GLMN: variants seen among roughly 807,000 people sequenced by gnomAD.
GLMN encodes glomulin.
A neutral mutation model predicts 87.8 loss-of-function variants in GLMN; 75 were observed. The ratio of observed to expected loss-of-function variants is 0.85; its 90% confidence interval spans 0.71 to 1.04. GLMN has a LOEUF of 1.04. Ranked by LOEUF, GLMN falls within the 50% of genes least tolerant of loss-of-function variation. The pLI is 0.00. For synonymous variants in GLMN, 206 were observed against 221.6 expected, an observed-to-expected ratio of 0.93 and a Z score of 0.63; for missense variants, 588 against 658.8, an observed-to-expected ratio of 0.89 and a Z score of 1.18.
chr1:92,329,733 T>C, the GLMN span, among the ~76,000 whole-genome samples: 1 of 152,232 alleles, frequency 6.6e-6, no homozygotes, highest in Non-Finnish European at 1.5e-5. Flanking sequence ...TGCATTCTTA[T>C]AATAAACTCA....
the GLMN span, chr1:92,363,754 C>G: frequency 2.8e-6 from 1 of 354,338 alleles, no homozygotes; most frequent in Non-Finnish European, 5.6e-6. Context: ...TGATGATCTA[C>G]TTCCACTTAA....
upstream of GLMN, chr1:92,300,226 G>A: frequency 1.2e-6 from 2 of 1,609,822 alleles, no homozygotes; most frequent in Non-Finnish European, 1.7e-6. Context: ...GAAACAAGAA[G>A]ATGCTTCTAA....
the GLMN span, among the ~76,000 whole-genome samples, chr1:92,339,803 T>C: frequency 6.6e-6 from 1 of 152,192 alleles, no homozygotes; most frequent in Admixed American, 6.5e-5. Flanking sequence ...ACTGCCCTTT[T>C]CCTCTTATAA....
At chr1:92,363,243 G>T in the GLMN span, among the ~76,000 whole-genome samples, 1 of 152,112 alleles carries the variant, frequency 6.6e-6, no homozygotes, top group Non-Finnish European at 1.5e-5. Flanking sequence ...GTTTTGGATA[G>T]AAACAGACTT....
the GLMN span, among the ~76,000 whole-genome samples, chr1:92,308,378 C>CT: frequency 6.6e-6 from 1 of 152,162 alleles, no homozygotes; most frequent in African/African-American, 2.4e-5. Context: ...GCTAAGAGTA[C>CT]TTTTTTACTT....
chr1:92,365,647 G>T, the GLMN span, among the ~76,000 whole-genome samples: 1 of 152,198 alleles, frequency 6.6e-6, no homozygotes, highest in African/African-American at 2.4e-5. Flanking sequence ...AGTTTGAAAG[G>T]TTCCTCTTGA....
At chr1:92,318,739 C>T in the GLMN span, among the ~76,000 whole-genome samples, 3 of 152,016 alleles carry the variant, frequency 2.0e-5, no homozygotes, top group Non-Finnish European at 2.9e-5. Context: ...TGTATTCTGC[C>T]TCCTTTGAGA....
At chr1:92,246,998 G>A (rs772773828) in intron 18 of GLMN, 64 bp downstream of exon 18, 1 of 880,372 alleles carries the variant, frequency 1.1e-6, no homozygotes, top group Non-Finnish European at 1.9e-6. Flanking sequence ...ACTCCAGCTT[G>A]GGCAAGATAG....
the GLMN span, among the ~76,000 whole-genome samples, chr1:92,318,487 T>A: frequency 6.6e-6 from 1 of 152,064 alleles, no homozygotes; most frequent in East Asian, 1.9e-4. Flanking sequence ...TTTTCCCACC[T>A]TTTTTTTCTT....
chr1:92,255,463 C>G (rs547053717), intron 16 of GLMN, among the ~76,000 whole-genome samples: 168 of 152,288 alleles, frequency 1.1e-3, no homozygotes, highest in African/African-American at 3.9e-3. Context: ...ACATTCTTCT[C>G]AGCACCACAC....
At position 92,272,936 on chromosome 1, in the gene GLMN, A is replaced by G. The variant is rs117299745; in HGVS notation, c.736-1284T>C. Among the ~76,000 whole-genome samples the G allele has an allele frequency of 4.5e-4, 69 of 152,360 alleles. No individual in the cohort carries two copies. The East Asian group carries it at 0.013, about 28-fold the overall frequency. On this transcript the variant is annotated intron_variant, in intron 7 of 18. Coordinates refer to ENST00000370360, the MANE Select transcript of GLMN (RefSeq NM_053274.3). The stretch of plus-strand genomic sequence containing the variant: ...GACACTGGATGAGCCATAAAATGAC[A>G]TAATACCTATGTCAAATATTTATCG...
intron 16 of GLMN, among the ~76,000 whole-genome samples, chr1:92,250,469 T>G (rs1185076368): frequency 6.6e-6 from 1 of 152,208 alleles, no homozygotes; most frequent in African/African-American, 2.4e-5. Context: ...AAGTTTTTAG[T>G]ATTTCAAAAT....
intron 16 of GLMN, among the ~76,000 whole-genome samples, chr1:92,262,649 C>G (rs532141239): frequency 6.6e-6 from 1 of 152,092 alleles, no homozygotes; most frequent in African/African-American, 2.4e-5. Context: ...AGAAAGCAGA[C>G]GTACAATAGG....
At chr1:92,279,579 C>T (rs1156769104) in intron 7 of GLMN, among the ~76,000 whole-genome samples, 1 of 151,890 alleles carries the variant, frequency 6.6e-6, no homozygotes, top group South Asian at 2.1e-4. Flanking sequence ...AACTGAGGTA[C>T]CTGGTTCACC....
chr1:92,355,451 G>A, the GLMN span, among the ~76,000 whole-genome samples: 1 of 152,296 alleles, frequency 6.6e-6, no homozygotes, highest in South Asian at 2.1e-4. Context: ...TTCTGAAAGA[G>A]ATAAAGATGA....
the GLMN span, among the ~76,000 whole-genome samples, chr1:92,305,313 G>T: frequency 6.6e-6 from 1 of 150,826 alleles, no homozygotes. Flanking sequence ...GGCGCCTGTA[G>T]TCCCAGCTAC....
intron 7 of GLMN, among the ~76,000 whole-genome samples, chr1:92,280,380 G>C (rs1306834461): frequency 6.6e-6 from 1 of 152,184 alleles, no homozygotes; most frequent in Non-Finnish European, 1.5e-5. Flanking sequence ...TGAGAGGTCT[G>C]TTAGAAGGAA....
At chr1:92,304,875 C>T in the GLMN span, among the ~76,000 whole-genome samples, 1 of 152,184 alleles carries the variant, frequency 6.6e-6, no homozygotes, top group African/African-American at 2.4e-5. Context: ...GTGGCTCACA[C>T]CTGTAATCCT....
At chr1:92,345,971 G>T in the GLMN span, 1 of 1,225,014 alleles carries the variant, frequency 8.2e-7, no homozygotes. Flanking sequence ...TATTGATTAG[G>T]GAAAAACAAA....
Sources: allele counts gnomAD v4.1 joint callset (sites outside exome capture counted in the v4.1 genomes callset), GRCh38; gene constraint gnomAD v4.1.1; transcripts MANE v1.5; gene names NCBI Gene and HGNC (gene_info 2026-07-23, HGNC 2026-07-21).